SYNPR: variants seen among roughly 807,000 people sequenced by gnomAD.
SYNPR encodes the protein synaptoporin.
Under a neutral mutation model 32.9 loss-of-function variants are expected in SYNPR, and 23 were observed. The observed-to-expected ratio is 0.70, with a 90% CI of 0.50 to 0.99. The LOEUF (loss-of-function observed/expected upper bound fraction) is 0.99, where lower values mean the gene tolerates loss of function less well. SYNPR is among the 50% of genes least tolerant of loss of function. The pLI, the probability that SYNPR is intolerant of heterozygous loss-of-function variation, is 0.00. For missense variants in SYNPR, 318 were observed against 349.3 expected (o/e 0.91, Z 0.71); for synonymous variants, 146 against 135.9 (o/e 1.07, Z -0.52).
At chr3:63,578,569 GA>G (rs1193561354) in intron 4 of SYNPR, among the ~76,000 whole-genome samples, 7 of 152,034 alleles carry the variant, frequency 4.6e-5, no homozygotes, top group African/African-American at 1.7e-4. Context: ...CGGATAAATA[GA>G]AAAAGGGCTC....
intron 1 of SYNPR, among the ~76,000 whole-genome samples, chr3:63,235,698 G>A (rs1176345935): frequency 2.6e-5 from 4 of 152,124 alleles, no homozygotes; most frequent in South Asian, 2.1e-4. Context: ...AACCTTTAGC[G>A]ACCACTTATT....
chr3:63,445,688 A>G (rs545836065), intron 2 of SYNPR: 1 of 540,498 alleles, frequency 1.9e-6, no homozygotes, highest in East Asian at 2.9e-5. Flanking sequence ...CATTTTACAG[A>G]TGAGAAAATG....
the SYNPR span, among the ~76,000 whole-genome samples, chr3:63,211,252 G>C: frequency 6.6e-6 from 1 of 152,132 alleles, no homozygotes; most frequent in Non-Finnish European, 1.5e-5. Flanking sequence ...ATTTTTAGTA[G>C]AGATGGGTTT....
intron 2 of SYNPR, among the ~76,000 whole-genome samples, chr3:63,434,470 C>G (rs1700045162): frequency 6.6e-6 from 1 of 152,192 alleles, no homozygotes; most frequent in Non-Finnish European, 1.5e-5. Context: ...ATGACACCCC[C>G]CCTTCATGGG....
At chr3:63,612,195 T>C (rs1485378971) in intron 5 of SYNPR, among the ~76,000 whole-genome samples, 1 of 152,182 alleles carries the variant, frequency 6.6e-6, no homozygotes, top group African/African-American at 2.4e-5. Flanking sequence ...CAGACCTCAA[T>C]ACTGTTGAAA....
chr3:63,287,426 G>A (rs2086695792), intron 2 of SYNPR, among the ~76,000 whole-genome samples: 1 of 151,998 alleles, frequency 6.6e-6, no homozygotes, highest in Non-Finnish European at 1.5e-5. Context: ...GATAAGGTCA[G>A]CCTTCTGACG....
At chr3:63,568,852 G>C (rs1201439929) in intron 4 of SYNPR, among the ~76,000 whole-genome samples, 2 of 152,072 alleles carry the variant, frequency 1.3e-5, no homozygotes, top group Non-Finnish European at 2.9e-5. Context: ...TGTGATTGCT[G>C]GTTTGATTTA....
chr3:63,483,833 T>G (rs1701093172), intron 3 of SYNPR, among the ~76,000 whole-genome samples: 1 of 152,162 alleles, frequency 6.6e-6, no homozygotes, highest in Non-Finnish European at 1.5e-5. Flanking sequence ...TGCTTATGCT[T>G]AAAAAAGTTA....
rs1265454407 is a variant in SYNPR, at chr3:63,615,304, A to G, written c.681A>G (p.Gly227=). The change falls in exon 6 of 6, where the codon GGA becomes GGG. Residue 227 remains glycine (G), a synonymous_variant. Coordinates refer to ENST00000478300, the MANE Select transcript of SYNPR (RefSeq NM_001130003.2). ...AGGAGACCGGCTGGCATTCTTCGGG[A>G]CAGAGATATCTTTCAGATCCAATGG... ...VFKETGWHSS[G]QRYLSDPMEK... 16 of 1,613,828 alleles carry G rather than the reference A, an allele frequency of 9.9e-6. No individual in the cohort carries two copies. Among genetic ancestry groups the G allele is most frequent in the Non-Finnish European group, 1.4e-5 (16 of 1,179,836 alleles).
intron 1 of SYNPR, among the ~76,000 whole-genome samples, chr3:63,239,326 T>C (rs1248497501): frequency 6.6e-6 from 1 of 151,768 alleles, no homozygotes; most frequent in African/African-American, 2.4e-5. Flanking sequence ...CCTACCATTG[T>C]CAGGTGTGTC....
intron 3 of SYNPR, among the ~76,000 whole-genome samples, chr3:63,544,220 A>G (rs1702358392): frequency 6.6e-6 from 1 of 152,110 alleles, no homozygotes; most frequent in Non-Finnish European, 1.5e-5. Context: ...AAAGCATTGG[A>G]GACACGGGTG....
chr3:63,452,938 T>C (rs970430526), intron 2 of SYNPR, among the ~76,000 whole-genome samples: 2 of 152,138 alleles, frequency 1.3e-5, no homozygotes, highest in Admixed American at 1.3e-4. Flanking sequence ...AAAATGGAAC[T>C]TTGTATGTAC....
At position 63,560,170 on chromosome 3, in the gene SYNPR, A is replaced by G. The variant is rs558489982; in HGVS notation, c.408+3429A>G. 3.9e-5 allele frequency among the ~76,000 whole-genome samples: 6 copies of G among 152,336 alleles called. No individual in the cohort carries two copies. In the East Asian group the frequency reaches 1.2e-3, roughly 29 times the overall value. On this transcript the variant is annotated intron_variant, in intron 4 of 5. Coordinates refer to ENST00000478300, the MANE Select transcript of SYNPR (RefSeq NM_001130003.2). ...AGAGAGATAATTCTAGTAATCAAAA[A>G]AGAAAAGTCTCCTAGATGAAACTTC... is the stretch of plus-strand genomic sequence containing the variant.
chr3:63,506,594 A>G (rs1005028744), intron 3 of SYNPR, among the ~76,000 whole-genome samples: 1 of 152,190 alleles, frequency 6.6e-6, no homozygotes, highest in African/African-American at 2.4e-5. Flanking sequence ...GTCCTACAGT[A>G]GAAAAATCTG....
At chr3:63,565,721 A>G (rs1559538337) in intron 4 of SYNPR, among the ~76,000 whole-genome samples, 3 of 152,162 alleles carry the variant, frequency 2.0e-5, no homozygotes, top group African/African-American at 7.2e-5. Context: ...GGATGCTGCA[A>G]TGAGGCACCA....
At chr3:63,339,274 C>T (rs973105989) in intron 2 of SYNPR, among the ~76,000 whole-genome samples, 1 of 152,200 alleles carries the variant, frequency 6.6e-6, no homozygotes, top group Non-Finnish European at 1.5e-5. Flanking sequence ...AACATCTCTG[C>T]TCACATGGTA....
intron 2 of SYNPR, among the ~76,000 whole-genome samples, chr3:63,296,774 A>C (rs755591983): frequency 6.6e-6 from 1 of 152,178 alleles, no homozygotes; most frequent in Non-Finnish European, 1.5e-5. Flanking sequence ...TTAAAAGTAC[A>C]GTTTAGTTGT....
At chr3:63,376,877 A>G (rs2087902142) in intron 2 of SYNPR, among the ~76,000 whole-genome samples, 1 of 152,076 alleles carries the variant, frequency 6.6e-6, no homozygotes, top group African/African-American at 2.4e-5. Flanking sequence ...GTGCTTTACA[A>G]GAACCATACC....
intron 2 of SYNPR, among the ~76,000 whole-genome samples, chr3:63,278,980 C>T (rs1257591116): frequency 6.6e-6 from 1 of 152,090 alleles, no homozygotes; most frequent in Non-Finnish European, 1.5e-5. Context: ...AGACAAGTGT[C>T]GTCTCACCTC....
Sources: allele counts gnomAD v4.1 joint callset (sites outside exome capture counted in the v4.1 genomes callset), GRCh38; gene constraint gnomAD v4.1.1; transcripts MANE v1.5; gene names NCBI Gene and HGNC (gene_info 2026-07-23, HGNC 2026-07-21).